The following MALRD1 variants were observed in gnomAD, a reference collection of about 807,000 sequenced individuals.
The protein encoded by MALRD1 is MAM and LDL-receptor class A domain-containing protein 1.
A neutral mutation model predicts 242.1 loss-of-function variants in MALRD1; 247 were observed. The ratio of observed to expected loss-of-function variants is 1.02; its 90% CI spans 0.92 to 1.13. The LOEUF (loss-of-function observed/expected upper bound fraction) is 1.13. Among genes scored for constraint, MALRD1 ranks in the 50% most tolerant of loss-of-function variants. The pLI, the probability that MALRD1 is intolerant of heterozygous loss-of-function variation, is 0.00. For synonymous variants in MALRD1, 995 were observed against 866.6 expected (o/e 1.15, Z -2.60); for missense variants, 2,989 against 2,533.1 (o/e 1.18, Z -3.86).
chr10:19,419,372 G>A (rs1001177733), intron 28 of MALRD1, among the ~76,000 whole-genome samples: 1 of 152,090 alleles, frequency 6.6e-6, no homozygotes, highest in Non-Finnish European at 1.5e-5. Flanking sequence ...TCAGCTCACT[G>A]TAACCTCCAC....
intron 21 of MALRD1, among the ~76,000 whole-genome samples, chr10:19,298,384 A>G (rs748966542): frequency 4.6e-5 from 7 of 151,940 alleles, no homozygotes; most frequent in Non-Finnish European, 7.4e-5. Flanking sequence ...ATCAAATTTC[A>G]ACATGATATT....
chr10:19,146,476 C>T lies in MALRD1; in HGVS notation c.1558+132C>T, dbSNP rs539732717. On this transcript the variant is annotated intron_variant, in intron 11 of 39. Transcript: ENST00000454679. ...TCTGGTTTGTCTTGCTTTAAAACCT[C>T]CTGACCAAGTTAATAATTGGCGGGT... The T allele has an allele frequency of 9.5e-6, 7 of 739,606 alleles. No individual in the cohort carries two copies. The East Asian group carries it at 2.1e-4, about 22-fold the overall frequency. 45.8% of individuals were successfully genotyped at this position (739,606 alleles called of 1,614,324 possible).
chr10:19,677,596 A>G (rs909506993), intron 36 of MALRD1, among the ~76,000 whole-genome samples: 1 of 151,884 alleles, frequency 6.6e-6, no homozygotes, highest in Admixed American at 6.6e-5. Context: ...AGTTGCAAAA[A>G]TTTTCTCCCA....
intron 32 of MALRD1, among the ~76,000 whole-genome samples, chr10:19,541,997 A>C (rs1385829321): frequency 6.6e-6 from 1 of 152,216 alleles, no homozygotes; most frequent in Non-Finnish European, 1.5e-5. Context: ...AGAAAGAGCT[A>C]ATCTAATATG....
chr10:19,602,942 G>A (rs1475998448), intron 34 of MALRD1, among the ~76,000 whole-genome samples: 2 of 152,212 alleles, frequency 1.3e-5, no homozygotes, highest in African/African-American at 2.4e-5. Context: ...TTCTCTGATG[G>A]CCAGTGATGA....
intron 31 of MALRD1, among the ~76,000 whole-genome samples, chr10:19,529,943 C>T (rs1056556715): frequency 3.9e-5 from 6 of 151,916 alleles, no homozygotes; most frequent in African/African-American, 9.7e-5. Flanking sequence ...TATGTACATG[C>T]ATAGGAAGAC....
chr10:19,315,795 A>G (rs1323284086), intron 21 of MALRD1, among the ~76,000 whole-genome samples: 1 of 143,592 alleles, frequency 7.0e-6, no homozygotes, highest in African/African-American at 2.5e-5. Context: ...TATATAATTT[A>G]TATAATTTAC....
chr10:19,655,564 A>ATATATATATATG, intron 36 of MALRD1, among the ~76,000 whole-genome samples: 1 of 131,918 alleles, frequency 7.6e-6, no homozygotes, highest in Non-Finnish European at 1.6e-5. Context: ...ATATATATAT[A>ATATATATATATG]TATATATGGA....
intron 24 of MALRD1, among the ~76,000 whole-genome samples, chr10:19,344,131 A>T (rs1186423284): frequency 6.6e-6 from 1 of 152,090 alleles, no homozygotes; most frequent in Non-Finnish European, 1.5e-5. Context: ...TTTTAACAGG[A>T]TCATTTGCAG....
In MALRD1 at chr10:19,122,885, C is replaced by A. The variant is rs181997962; in HGVS notation, c.695-607C>A. Among the ~76,000 whole-genome samples the A allele has an allele frequency of 1.7e-3, 260 of 152,166 alleles. 3 individuals carry two copies. The highest frequency in any genetic ancestry group is 6.0e-3 in the African/African-American group (248 of 41,528). ...GGATTATGGATGCCTGCCACCACGC[C>A]CAGATAATTTTTGTATTTTTAATAG... On this transcript the variant is annotated intron_variant, in intron 5 of 39. Coordinates refer to ENST00000454679, the MANE Select transcript of MALRD1 (RefSeq NM_001142308.3).
chr10:19,088,532 CTTTCTTTT>C (rs1186277261), intron 4 of MALRD1, among the ~76,000 whole-genome samples: 2 of 75,972 alleles, frequency 2.6e-5, no homozygotes, highest in East Asian at 7.2e-4. Flanking sequence ...CTTCCTCTTT[CTTTCTTTT>C]TTTTTTTTTT....
chr10:19,397,100 A>G (rs1180259514), intron 28 of MALRD1, among the ~76,000 whole-genome samples: 1 of 152,144 alleles, frequency 6.6e-6, no homozygotes, highest in African/African-American at 2.4e-5. Context: ...TCTTTGTGGT[A>G]AGATCAGTGA....
chr10:19,095,344 A>G (rs982729241), intron 4 of MALRD1, among the ~76,000 whole-genome samples: 2 of 152,178 alleles, frequency 1.3e-5, no homozygotes, highest in African/African-American at 4.8e-5. Flanking sequence ...GAAGGCTACA[A>G]AAAATCCCTT....
intron 38 of MALRD1, among the ~76,000 whole-genome samples, chr10:19,702,800 A>C (rs1277177612): frequency 6.6e-6 from 1 of 152,200 alleles, no homozygotes; most frequent in Non-Finnish European, 1.5e-5. Context: ...ACAGAACTTC[A>C]TGTAAGCAGA....
chr10:19,095,002 T>G (rs1835970993), intron 4 of MALRD1, among the ~76,000 whole-genome samples: 1 of 152,206 alleles, frequency 6.6e-6, no homozygotes, highest in African/African-American at 2.4e-5. Flanking sequence ...CTTAAAACTT[T>G]CTAATCTTGC....
intron 2 of MALRD1, among the ~76,000 whole-genome samples, chr10:19,073,097 T>G (rs1835206520): frequency 6.6e-6 from 1 of 151,972 alleles, no homozygotes. Context: ...ATATTTTTAT[T>G]AGAGATGGGA....
At chr10:19,489,368 G>A in intron 29 of MALRD1, 1 of 544,426 alleles carries the variant, frequency 1.8e-6, no homozygotes, top group South Asian at 1.4e-5. Context: ...TCCAGCCTCT[G>A]ATGAAGCAGG....
intron 10 of MALRD1, among the ~76,000 whole-genome samples, chr10:19,141,906 C>T (rs1463762518): frequency 2.0e-5 from 3 of 151,962 alleles, no homozygotes; most frequent in Admixed American, 6.6e-5. Flanking sequence ...GGTGCGGTGG[C>T]TCACGCCTGT....
intron 19 of MALRD1, among the ~76,000 whole-genome samples, chr10:19,260,665 C>A (rs938336002): frequency 1.3e-5 from 2 of 151,942 alleles, no homozygotes; most frequent in African/African-American, 2.4e-5. Context: ...CTTAATCTTA[C>A]AATGTTTTAA....
Sources: allele counts gnomAD v4.1 joint callset (sites outside exome capture counted in the v4.1 genomes callset), GRCh38; gene constraint gnomAD v4.1.1; transcripts MANE v1.5; gene names NCBI Gene and HGNC (gene_info 2026-07-23, HGNC 2026-07-21).